The following MRTFA variants were observed in gnomAD, a reference collection of about 807,000 sequenced individuals.
MRTFA encodes the protein myocardin related transcription factor A, also known as myocardin-related transcription factor A.
MRTFA carries 20 observed loss-of-function variants against 83.5 expected under a neutral mutation model. The observed-to-expected ratio is 0.24, with a 90% CI of 0.17 to 0.35. The LOEUF is 0.35. Among genes scored for constraint, MRTFA ranks in the 10% least tolerant of loss-of-function variants. The probability of loss-of-function intolerance (pLI) is 1.00; values close to 1 mark genes in which losing one functional copy is unlikely to be tolerated. For synonymous variants in MRTFA, 659 were observed against 541.2 expected (o/e 1.22, Z -3.02); for missense variants, 1,200 against 1,224.7 (o/e 0.98, Z 0.30).
At chr22:40,503,858 G>C (rs1000940527) in intron 3 of MRTFA, among the ~76,000 whole-genome samples, 16 of 152,044 alleles carry the variant, frequency 1.1e-4, no homozygotes, top group Non-Finnish European at 2.4e-4. Flanking sequence ...GGAGGCAGAG[G>C]TTGCAGTGAG....
intron 5 of MRTFA, 45 bp from the exon 6 acceptor site, chr22:40,431,525 G>T (rs764352705): frequency 1.3e-6 from 2 of 1,576,764 alleles, no homozygotes; most frequent in East Asian, 2.2e-5. Flanking sequence ...CAGGTCACAG[G>T]CTTATGGCAT....
chr22:40,620,976 G>T (rs1362117917), intron 1 of MRTFA, among the ~76,000 whole-genome samples: 1 of 151,994 alleles, frequency 6.6e-6, no homozygotes, highest in African/African-American at 2.4e-5. Context: ...GAGCCCAGGA[G>T]TTCAAGACCA....
intron 4 of MRTFA, among the ~76,000 whole-genome samples, chr22:40,460,716 T>C (rs905146892): frequency 3.3e-5 from 5 of 152,174 alleles, no homozygotes; most frequent in African/African-American, 1.2e-4. Context: ...AAGCACAGCA[T>C]TGCCCTACCT....
rs34486531 is a variant in MRTFA, at chr22:40,452,805, CAAAAAA to C, written c.307+10410_307+10415del. The stretch of plus-strand genomic sequence containing the variant: ...TGGGCAACAGAGCAACACTCCGTCT[CAAAAAA>C]AAAAAAAAAAAAAAATGATGACGAC... On this transcript the variant is annotated intron_variant, in intron 4 of 14. Coordinates refer to ENST00000355630, the MANE Select transcript of MRTFA (RefSeq NM_020831.6). Among the ~76,000 whole-genome samples the C allele has an allele frequency of 4.8e-5, 3 of 62,670 alleles. No homozygotes were observed. In the East Asian group the frequency reaches 1.4e-3, roughly 28 times the overall value. 41.1% of individuals were successfully genotyped at this position (62,670 alleles called of 152,430 possible). A position where few individuals can be genotyped will look rare whatever the true frequency, so the allele number is the denominator to read the frequency against.
chr22:40,514,406 T>C (rs2054721363), intron 3 of MRTFA, among the ~76,000 whole-genome samples: 1 of 151,960 alleles, frequency 6.6e-6, no homozygotes, highest in Non-Finnish European at 1.5e-5. Flanking sequence ...TTGAGAATCA[T>C]GTTTCTTAAA....
At chr22:40,446,784 T>C (rs1266807110) in intron 4 of MRTFA, among the ~76,000 whole-genome samples, 2 of 152,252 alleles carry the variant, frequency 1.3e-5, no homozygotes, top group Admixed American at 6.5e-5. Context: ...CAGAGGTATG[T>C]GTCCCCTAAG....
chr22:40,414,157 A>G (rs2147055855), intron 14 of MRTFA, among the ~76,000 whole-genome samples: 1 of 152,292 alleles, frequency 6.6e-6, no homozygotes, highest in Admixed American at 6.5e-5. Flanking sequence ...TGGGCAACAC[A>G]GTGAAACCCC....
chr22:40,470,964 A>T (rs1185568509), intron 3 of MRTFA, among the ~76,000 whole-genome samples: 1 of 152,048 alleles, frequency 6.6e-6, no homozygotes, highest in Non-Finnish European at 1.5e-5. Context: ...ACAAAACAAA[A>T]CAAAAAACAA....
chr22:40,486,593 C>T (rs1266292644), intron 3 of MRTFA, among the ~76,000 whole-genome samples: 1 of 152,174 alleles, frequency 6.6e-6, no homozygotes, highest in Admixed American at 6.5e-5. Flanking sequence ...CATACTAAGA[C>T]ATTTTTGTCT....
intron 1 of MRTFA, among the ~76,000 whole-genome samples, chr22:40,618,250 ATTTT>A (rs1011885827): frequency 1.9e-5 from 2 of 104,128 alleles, no homozygotes. Flanking sequence ...AATTTTTTGT[ATTTT>A]TTTTTTTTTT....
intron 1 of MRTFA, among the ~76,000 whole-genome samples, chr22:40,595,956 A>G (rs1321958674): frequency 6.9e-6 from 1 of 144,668 alleles, no homozygotes; most frequent in East Asian, 2.1e-4. Flanking sequence ...CTGCAGCCTC[A>G]ACCTCCTGGG....
At chr22:40,432,257 C>CA (rs1362204173) in intron 5 of MRTFA, among the ~76,000 whole-genome samples, 2 of 151,116 alleles carry the variant, frequency 1.3e-5, no homozygotes, top group South Asian at 2.1e-4. Context: ...AAAAAACAAA[C>CA]AAAAAAAACC....
At chr22:40,550,986 G>C (rs935906315) in intron 3 of MRTFA, among the ~76,000 whole-genome samples, 7 of 151,650 alleles carry the variant, frequency 4.6e-5, no homozygotes, top group Non-Finnish European at 8.8e-5. Flanking sequence ...CTAGTAGCTG[G>C]GATTACAAGC....
chr22:40,463,474 T>C, intron 3 of MRTFA, 188 bp from the exon 4 acceptor site: 2 of 553,830 alleles, frequency 3.6e-6, no homozygotes, highest in Non-Finnish European at 6.5e-6. Flanking sequence ...TATTCTGCTG[T>C]GGGCGGTGAG....
At chr22:40,534,161 T>C (rs559992867) in intron 3 of MRTFA, among the ~76,000 whole-genome samples, 11 of 152,310 alleles carry the variant, frequency 7.2e-5, no homozygotes, top group African/African-American at 2.4e-4. Context: ...TATAAACACA[T>C]ATATACAAAA....
At chr22:40,555,572 A>C (rs1385878188) in intron 2 of MRTFA, among the ~76,000 whole-genome samples, 2 of 150,292 alleles carry the variant, frequency 1.3e-5, no homozygotes, top group Non-Finnish European at 3.0e-5. Context: ...AAACCTCATA[A>C]ATTAAAAAAA....
intron 2 of MRTFA, among the ~76,000 whole-genome samples, chr22:40,575,845 C>G (rs990182113): frequency 6.6e-6 from 1 of 152,106 alleles, no homozygotes; most frequent in Admixed American, 6.6e-5. Context: ...ATGAGTATAA[C>G]AACAACTCTC....
chr22:40,541,652 G>A (rs780061168), intron 3 of MRTFA, among the ~76,000 whole-genome samples: 2 of 151,488 alleles, frequency 1.3e-5, no homozygotes, highest in Non-Finnish European at 3.0e-5. Context: ...TGATGGCTGT[G>A]TGTGTGTGTG....
At chr22:40,456,014 A>G (rs1344321068) in intron 4 of MRTFA, among the ~76,000 whole-genome samples, 1 of 151,930 alleles carries the variant, frequency 6.6e-6, no homozygotes, top group Admixed American at 6.6e-5. Context: ...TTTAGTAGAG[A>G]CTGGGTTTCG....
Sources: gnomAD v4.1 joint callset for allele counts (sites outside exome capture counted in the v4.1 genomes callset) on GRCh38, gnomAD v4.1.1 for gene constraint, MANE v1.5 for transcripts, NCBI Gene and HGNC (gene_info 2026-07-23, HGNC 2026-07-21) for gene names.